Variants in ZMYND15 observed in about 807,000 individuals in gnomAD.
ZMYND15 encodes zinc finger MYND domain-containing protein 15.
A neutral mutation model predicts 81.7 loss-of-function variants in ZMYND15; 54 were observed. The ratio of observed to expected loss-of-function variants is 0.66; its 90% CI spans 0.53 to 0.83. ZMYND15 has a LOEUF of 0.83. Ranked by LOEUF, ZMYND15 falls within the 40% of genes least tolerant of loss-of-function variation. ZMYND15 has a pLI of 0.00. For missense variants in ZMYND15, 925 were observed against 973.5 expected (o/e 0.95, Z 0.66); for synonymous variants, 399 against 387.0 (o/e 1.03, Z -0.36).
rs140063192 is a variant in ZMYND15 at position 4,741,679 on chromosome 17, C to T, written c.690C>T (p.Thr230=). 90 of 1,614,130 alleles carry T rather than the reference C, an allele frequency of 5.6e-5. No homozygotes were observed. The African/African-American group carries it at 8.8e-4, about 16-fold the overall frequency. ...IDLLVDGAQG[T]ASWGSGTKDL... is the part of the protein sequence containing the mutation. Reference sequence around the variant, plus strand: ...TGCTAGTGGATGGAGCCCAGGGAACCGCAAGCTGGGGCTCAGGGACCAAGG... The same window carrying T: ...TGCTAGTGGATGGAGCCCAGGGAACTGCAAGCTGGGGCTCAGGGACCAAGG... The change falls in exon 3 of 14, where the codon ACC becomes ACT. Residue 230 remains threonine (T), a synonymous_variant. Coordinates refer to ENST00000433935, the MANE Select transcript of ZMYND15 (RefSeq NM_001136046.3).
rs369450548 is a variant in ZMYND15 at position 4,744,704 on chromosome 17, G to A, written c.1763G>A (p.Arg588His). The change falls in exon 11 of 14, where the codon CGC (arginine) becomes CAC (histidine). Residue 588 changes from arginine to histidine, a missense_variant. Transcript: ENST00000433935. The surrounding 1 kb of genome is among the most constrained non-coding windows in gnomAD (Gnocchi z 4.1). Reference protein sequence around the residue: ...PSSGTKEKGGRRDLQIKVSAR... With the variant: ...PSSGTKEKGGHRDLQIKVSAR... ...TCTGGCACTAAGGAGAAAGGGGGCC[G>A]CAGGGACCTGCAGATCAAGGTGTCA... 16 of 1,613,962 alleles carry A rather than the reference G, an allele frequency of 9.9e-6. No homozygotes were observed. The highest frequency in any genetic ancestry group is 3.3e-5 in the Admixed American group (2 of 59,998).
chr17:4,746,050 C>G lies in ZMYND15; in HGVS notation c.*60C>G. On this transcript the variant is annotated 3_prime_UTR_variant, in exon 14 of 14. Coordinates refer to ENST00000433935, the MANE Select transcript of ZMYND15 (RefSeq NM_001136046.3). ...ACTGAAAGGAAAACGTGAAAACACT[C>G]AAGGCCTAGGGGGAGGACAGGTTGG... 3.6e-6 allele frequency: 5 copies of G among 1,387,258 alleles called. No individual in the cohort carries two copies. Among genetic ancestry groups the G allele is most frequent in the Non-Finnish European group, 4.7e-6 (5 of 1,067,454 alleles). The allele number at this position is 1,387,258 out of a possible 1,614,324, so 85.9% of individuals were successfully genotyped here.
In ZMYND15 at chr17:4,745,062, C is replaced by A. The variant is rs1916601462; in HGVS notation, c.1896+134C>A. The A allele has an allele frequency of 7.2e-6, 11 of 1,528,534 alleles. No homozygotes were observed. Among genetic ancestry groups the A allele is most frequent in the Non-Finnish European group, 9.9e-6 (11 of 1,111,418 alleles). 94.7% of individuals were successfully genotyped at this position (1,528,534 alleles called of 1,614,324 possible). A position where few individuals can be genotyped will look rare whatever the true frequency, so the allele number is the denominator to read the frequency against. On this transcript the variant is annotated intron_variant, in intron 12 of 13. Transcript: ENST00000433935. The surrounding 1 kb of genome is among the most constrained non-coding windows in gnomAD (Gnocchi z 5.2). ...ACAAACCTGGGGAGTGCCCACGGGT[C>A]CCCCTGCCTCTCTCTGTGTCTGTCT...
In ZMYND15 at chr17:4,743,665, C is replaced by A; in HGVS notation, c.1298-102C>A. On this transcript the variant is annotated intron_variant, in intron 6 of 13. Transcript: ENST00000433935. The surrounding 1 kb of genome is among the most constrained non-coding windows in gnomAD (Gnocchi z 4.3). Reference sequence around the variant, plus strand: ...CCTATGCAAACCCCCATTCCTCTTACTGCGGCTGTCTCAGGGAATACAGCC... The same window carrying A: ...CCTATGCAAACCCCCATTCCTCTTAATGCGGCTGTCTCAGGGAATACAGCC... 2 of 1,328,184 alleles carry A rather than the reference C, an allele frequency of 1.5e-6. No individual in the cohort carries two copies. The highest frequency in any genetic ancestry group is 2.1e-6 in the Non-Finnish European group (2 of 969,616). 82.3% of individuals were successfully genotyped at this position (1,328,184 alleles called of 1,614,324 possible).
Position 4,745,687 on chromosome 17 carries a change from CTGGTCCCTGACCG to C in ZMYND15, c.2058-131_2058-119del. 1 of 633,358 alleles carries C rather than the reference CTGGTCCCTGACCG, an allele frequency of 1.6e-6. No individual in the cohort carries two copies. Among genetic ancestry groups the C allele is most frequent in the Non-Finnish European group, 2.6e-6 (1 of 379,140 alleles). 39.2% of individuals were successfully genotyped at this position (633,358 alleles called of 1,614,324 possible). On this transcript the variant is annotated intron_variant, in intron 13 of 13. Transcript: ENST00000433935. This position sits in a 1 kb window ranked among gnomAD's most constrained non-coding sequence, Gnocchi z 5.2. ...AACTCAGAGGGGCAAGCCCCGCCCC[CTGGTCCCTGACCG>C]CCCGGTGGAGCCCCGCCCCCTGGTC...
chr17:4,743,112 C>A lies in ZMYND15; in HGVS notation c.1145-191C>A, dbSNP rs760269491. The stretch of plus-strand genomic sequence containing the variant: ...AAAAATTAGTCAGGCATGGTGCACT[C>A]GCTTGTGGTCACAATTCTCGGGAGA... On this transcript the variant is annotated intron_variant, in intron 5 of 13. Transcript: ENST00000433935. This position sits in a 1 kb window ranked among gnomAD's most constrained non-coding sequence, Gnocchi z 4.3. 6.6e-6 allele frequency among the ~76,000 whole-genome samples: 1 copy of A among 151,924 alleles called. No individual in the cohort carries two copies. Among genetic ancestry groups the A allele is most frequent in the Non-Finnish European group, 1.5e-5 (1 of 67,988 alleles).
chr17:4,741,526 G>T lies in ZMYND15; in HGVS notation c.593-56G>T. 1.9e-6 allele frequency: 3 copies of T among 1,596,782 alleles called. No homozygotes were observed. In the South Asian group the frequency reaches 3.3e-5, roughly 18 times the overall value. On this transcript the variant is annotated intron_variant, in intron 2 of 13. Transcript: ENST00000433935. ...ATTTGAGTTTGGTACTCCTGACCCTGACCACATTTGTCTCTCGCTGCCCCC... is the reference window on the plus strand; with the variant it reads ...ATTTGAGTTTGGTACTCCTGACCCTTACCACATTTGTCTCTCGCTGCCCCC...
At position 4,741,787 on chromosome 17, in the gene ZMYND15, G is replaced by C. The variant is rs1255161801; in HGVS notation, c.798G>C (p.Gln266His). Residue 266 changes from glutamine (Q) to histidine (H), a missense_variant, in exon 3 of 14, where the codon CAG becomes CAC. Gln to His is a conservative substitution (Grantham distance 24). Coordinates refer to ENST00000433935, the MANE Select transcript of ZMYND15 (RefSeq NM_001136046.3). ...CTGGGGATCCCCGAAAGCCCCGACA[G>C]CTTACTGTGGGAGATGCCCGGCTGC... is the stretch of plus-strand genomic sequence containing the variant. ...MGSGDPRKPRQLTVGDARLHR... is the reference protein window; with the variant it reads ...MGSGDPRKPRHLTVGDARLHR... 1 of 1,579,470 alleles carries C rather than the reference G, an allele frequency of 6.3e-7. No homozygotes were observed. Among genetic ancestry groups the C allele is most frequent in the Non-Finnish European group, 8.6e-7 (1 of 1,161,158 alleles).
At position 4,739,947 on chromosome 17, in the gene ZMYND15, C is replaced by T. The variant is rs1597501781; in HGVS notation, c.-134C>T. On this transcript the variant is annotated 5_prime_UTR_variant, in exon 1 of 14. Coordinates refer to ENST00000433935, the MANE Select transcript of ZMYND15 (RefSeq NM_001136046.3). This position sits in a 1 kb window ranked among gnomAD's most constrained non-coding sequence, Gnocchi z 5.3. The stretch of plus-strand genomic sequence containing the variant: ...ACGCACCGAGCCCGGGGGGCGTGGC[C>T]GCCCGCTGAGCCGGCGAGGGCTCGG... 4.1e-6 allele frequency: 4 copies of T among 985,258 alleles called. No homozygotes were observed. Among genetic ancestry groups the T allele is most frequent in the South Asian group, 4.7e-5 (1 of 21,294 alleles). 61.0% of individuals were successfully genotyped at this position (985,258 alleles called of 1,614,324 possible). A position where few individuals can be genotyped will look rare whatever the true frequency, so the allele number is the denominator to read the frequency against.
At position 4,745,417 on chromosome 17, in the gene ZMYND15, C is replaced by A. The variant is rs754317066; in HGVS notation, c.2057+42C>A. On this transcript the variant is annotated intron_variant, in intron 13 of 13. Transcript: ENST00000433935. The surrounding 1 kb of genome is among the most constrained non-coding windows in gnomAD (Gnocchi z 5.2). ...CTATTTCCTTCCTGACCCTTAACTT[C>A]TCTTACTCTCTGGCTCCACATCCTC... 4.5e-6 allele frequency: 7 copies of A among 1,549,354 alleles called. No homozygotes were observed. In the South Asian group the frequency reaches 8.7e-5, roughly 19 times the overall value.
rs139681670 is a variant in ZMYND15, at chr17:4,742,823, G to A, written c.1144+332G>A. 3.2e-3 allele frequency among the ~76,000 whole-genome samples: 493 copies of A among 152,248 alleles called. 4 individuals are homozygous for A. Among genetic ancestry groups the A allele is most frequent in the African/African-American group, 0.011 (454 of 41,526 alleles). ...GCTTCCGTGTCCTCATGAGGGATACGGAGAAGGCCCATGGAATTGTTACAA... is the reference window on the plus strand; with the variant it reads ...GCTTCCGTGTCCTCATGAGGGATACAGAGAAGGCCCATGGAATTGTTACAA... On this transcript the variant is annotated intron_variant, in intron 5 of 13. Coordinates refer to ENST00000433935, the MANE Select transcript of ZMYND15 (RefSeq NM_001136046.3).
chr17:4,745,415 TTC>T lies in ZMYND15; in HGVS notation c.2057+44_2057+45del, dbSNP rs1916620121. On this transcript the variant is annotated intron_variant, in intron 13 of 13. Transcript: ENST00000433935. The surrounding 1 kb of genome is among the most constrained non-coding windows in gnomAD (Gnocchi z 5.2). ...CCCTATTTCCTTCCTGACCCTTAACTTCTCTTACTCTCTGGCTCCACATCCTC... is the reference window on the plus strand; with the variant it reads ...CCCTATTTCCTTCCTGACCCTTAACTTCTTACTCTCTGGCTCCACATCCTC... The T allele has an allele frequency of 3.2e-6, 5 of 1,555,564 alleles. No homozygotes were observed. The South Asian group carries it at 4.9e-5, about 15-fold the overall frequency.
At position 4,744,328 on chromosome 17, in the gene ZMYND15, A is replaced by C. The variant is rs1916568834; in HGVS notation, c.1585-41A>C. ...TGGGCATTTTGGTATGGGGGTGGGC[A>C]CAGGGTAGACCCCAGATCTTTCTTT... On this transcript the variant is annotated intron_variant, in intron 9 of 13. Transcript: ENST00000433935. The surrounding 1 kb of genome is among the most constrained non-coding windows in gnomAD (Gnocchi z 4.1). 1 of 1,613,772 alleles carries C rather than the reference A, an allele frequency of 6.2e-7. No homozygotes were observed. The highest frequency in any genetic ancestry group is 8.5e-7 in the Non-Finnish European group (1 of 1,179,778).
chr17:4,741,029 C>T lies in ZMYND15; in HGVS notation c.481C>T (p.Pro161Ser). Residue 161 changes from proline to serine, a missense_variant, in exon 2 of 14, where the codon CCA (proline) becomes TCA (serine). Pro to Ser is a moderately conservative substitution (Grantham distance 74). Transcript: ENST00000433935. ...GGAGTCCCCCCAGGAAACAAACCCTCCAGGAGAGTCAGAGGAGGCTGCCCG... is the reference window on the plus strand; with the variant it reads ...GGAGTCCCCCCAGGAAACAAACCCTTCAGGAGAGTCAGAGGAGGCTGCCCG... ...SRESPQETNP[P>S]GESEEAAREA... The T allele has an allele frequency of 6.4e-7, 1 of 1,553,014 alleles. No homozygotes were observed. The highest frequency in any genetic ancestry group is 1.2e-5 in the South Asian group (1 of 84,146).
chr17:4,740,554 G>A lies in ZMYND15; in HGVS notation c.6G>A (p.Glu2=), dbSNP rs1407144364. 4 of 1,596,442 alleles carry A rather than the reference G, an allele frequency of 2.5e-6. No individual in the cohort carries two copies. The highest frequency in any genetic ancestry group is 3.4e-5 in the Admixed American group (2 of 58,742). The change falls in exon 2 of 14, where the codon GAG becomes GAA. Residue 2 remains glutamate (E), a synonymous_variant. Transcript: ENST00000433935. ...GGCCCTGTGCCGCTGAAGACATGGA[G>A]TTTGTGTCTGGATACCGGGATGAGT... M[E]FVSGYRDEFL...
chr17:4,744,116 A>G lies in ZMYND15; in HGVS notation c.1495+9A>G, dbSNP rs1439818804. On this transcript the variant is annotated intron_variant, in intron 8 of 13. Coordinates refer to ENST00000433935, the MANE Select transcript of ZMYND15 (RefSeq NM_001136046.3). This position sits in a 1 kb window ranked among gnomAD's most constrained non-coding sequence, Gnocchi z 4.1. Reference sequence around the variant, plus strand: ...CCTGGTGCCCCAGTCCTGTAAGGAGAGCGGAGTGGGGGGTGGAGCAGGATG... The same window carrying G: ...CCTGGTGCCCCAGTCCTGTAAGGAGGGCGGAGTGGGGGGTGGAGCAGGATG... 1 of 1,605,892 alleles carries G rather than the reference A, an allele frequency of 6.2e-7. No homozygotes were observed. Among genetic ancestry groups the G allele is most frequent in the Non-Finnish European group, 8.5e-7 (1 of 1,176,054 alleles).
In ZMYND15 at chr17:4,741,158, G is replaced by A. The variant is rs1317735516; in HGVS notation, c.592+18G>A. 3.5e-6 allele frequency: 5 copies of A among 1,429,682 alleles called. No individual in the cohort carries two copies. Among genetic ancestry groups the A allele is most frequent in the East Asian group, 2.6e-5 (1 of 38,212 alleles). The allele number at this position is 1,429,682 out of a possible 1,614,324, so 88.6% of individuals were successfully genotyped here. A position where few individuals can be genotyped will look rare whatever the true frequency, so the allele number is the denominator to read the frequency against. ...GAGGAGTGGTAAGAACCCAGGGCTG[G>A]CCCTGCCCTACCCCTTGCCCAGCCA... On this transcript the variant is annotated intron_variant, in intron 2 of 13. Coordinates refer to ENST00000433935, the MANE Select transcript of ZMYND15 (RefSeq NM_001136046.3).
chr17:4,741,009 C>G lies in ZMYND15; in HGVS notation c.461C>G (p.Ser154Cys), dbSNP rs1295271686. Residue 154 changes from serine (S) to cysteine (C), a missense_variant, in exon 2 of 14, where the codon TCC becomes TGC. Coordinates refer to ENST00000433935, the MANE Select transcript of ZMYND15 (RefSeq NM_001136046.3). Reference sequence around the variant, plus strand: ...GAGCTAGCCCCTACCAGCAGGGAGTCCCCCCAGGAAACAAACCCTCCAGGA... The same window carrying G: ...GAGCTAGCCCCTACCAGCAGGGAGTGCCCCCAGGAAACAAACCCTCCAGGA... ...DRELAPTSRE[S>C]PQETNPPGES... is the part of the protein sequence containing the mutation. 1.3e-6 allele frequency: 2 copies of G among 1,554,290 alleles called. No individual in the cohort carries two copies. Among genetic ancestry groups the G allele is most frequent in the Admixed American group, 2.0e-5 (1 of 51,060 alleles).
Position 4,745,221 on chromosome 17 carries a change from C to T in ZMYND15, c.1903C>T (p.Arg635Ter), listed in dbSNP as rs768510780. 3 of 1,614,062 alleles carry T rather than the reference C, an allele frequency of 1.9e-6. No individual in the cohort carries two copies. Among genetic ancestry groups the T allele is most frequent in the Admixed American group, 3.3e-5 (2 of 60,016 alleles). Residue 635 changes from arginine to a stop codon, truncating the protein, a stop_gained, in exon 13 of 14, where the codon CGA (arginine) becomes TGA (stop). Transcript: ENST00000433935. LOFTEE classifies it high-confidence loss of function. This position sits in a 1 kb window ranked among gnomAD's most constrained non-coding sequence, Gnocchi z 5.2. ...LRSLPRLQSL[R>*]VPAFFTESSE... ...GACTCTCGCTCCACCCCAGTCCCTC[C>T]GAGTGCCAGCCTTCTTCACCGAGAG...
Sources: allele counts gnomAD v4.1 joint callset (sites outside exome capture counted in the v4.1 genomes callset), GRCh38; gene constraint gnomAD v4.1.1; non-coding constraint Gnocchi (gnomAD v3.1); transcripts MANE v1.5; gene names NCBI Gene and HGNC (gene_info 2026-07-23, HGNC 2026-07-21).